The following TNK2 variants were observed in gnomAD, a reference collection of about 807,000 sequenced individuals.
The protein encoded by TNK2 is activated CDC42 kinase 1.
TNK2 carries 83 observed loss-of-function variants against 101.8 expected under a neutral mutation model. That is an observed-to-expected ratio of 0.82 (90% CI 0.68 to 0.98). The LOEUF (loss-of-function observed/expected upper bound fraction) is 0.98. Among genes scored for constraint, TNK2 ranks in the 50% least tolerant of loss-of-function variants. TNK2 has a pLI of 0.00. For synonymous variants in TNK2, 804 were observed against 633.0 expected, an observed-to-expected ratio of 1.27 and a Z score of -4.06; for missense variants, 1,665 against 1,483.2, an observed-to-expected ratio of 1.12 and a Z score of -2.01.
chr3:195,897,833 C>A, intron 1 of TNK2, among the ~76,000 whole-genome samples: 1 of 138,696 alleles, frequency 7.2e-6, no homozygotes, highest in African/African-American at 2.7e-5. Flanking sequence ...CCCCCCACCC[C>A]CCGCCCCCAG....
intron 1 of TNK2, among the ~76,000 whole-genome samples, chr3:195,890,508 T>C (rs1757983255): frequency 6.9e-6 from 1 of 144,020 alleles, no homozygotes. Flanking sequence ...TGGAGTACAA[T>C]GGTATGATCT....
At chr3:195,890,513 T>A (rs1757984380) in intron 1 of TNK2, among the ~76,000 whole-genome samples, 1 of 150,060 alleles carries the variant, frequency 6.7e-6, no homozygotes, top group Admixed American at 6.7e-5. Context: ...TACAATGGTA[T>A]GATCTTGGCT....
intron 9 of TNK2, chr3:195,876,723 C>T (rs766491233): frequency 7.5e-5 from 33 of 441,834 alleles, no homozygotes; most frequent in African/African-American, 3.8e-4. Context: ...AGGGAACCAG[C>T]GGCTGGGGCC....
At chr3:195,893,118 C>T (rs1444741340) in intron 1 of TNK2, among the ~76,000 whole-genome samples, 3 of 151,996 alleles carry the variant, frequency 2.0e-5, no homozygotes, top group African/African-American at 7.3e-5. Context: ...GGGACTAACA[C>T]ACAGCCTGAG....
rs114493331 is a variant in TNK2 at position 195,898,499 on chromosome 3, C to T, written c.-18-9893G>A. ...CTCGAGGGCCCAATCCTGGCTGGCACGCACGCCCTCTGGGCTGCACTCCTC... is the reference window on the plus strand; with the variant it reads ...CTCGAGGGCCCAATCCTGGCTGGCATGCACGCCCTCTGGGCTGCACTCCTC... On this transcript the variant is annotated intron_variant, in intron 1 of 15. Transcript: ENST00000672887. Among the ~76,000 whole-genome samples, 393 of 152,354 alleles carry T rather than the reference C, an allele frequency of 2.6e-3. 1 individual carries two copies. Among genetic ancestry groups the T allele is most frequent in the African/African-American group, 8.2e-3 (342 of 41,580 alleles).
At chr3:195,891,037 T>G (rs1229270076) in intron 1 of TNK2, among the ~76,000 whole-genome samples, 2 of 152,254 alleles carry the variant, frequency 1.3e-5, no homozygotes, top group Non-Finnish European at 2.9e-5. Context: ...GTTCCCACTG[T>G]GTTGCTTGTT....
At chr3:195,880,137 C>T (rs1176966987) in intron 6 of TNK2, among the ~76,000 whole-genome samples, 1 of 152,072 alleles carries the variant, frequency 6.6e-6, no homozygotes, top group Non-Finnish European at 1.5e-5. Flanking sequence ...CTCTGGGTGC[C>T]TCTGGCACCA....
rs1356859259 is a variant in TNK2 at position 195,864,279 on chromosome 3, C to T, written c.3162-92G>A. The T allele has an allele frequency of 6.1e-6, 9 of 1,466,052 alleles. No individual in the cohort carries two copies. The African/African-American group carries it at 9.8e-5, about 16-fold the overall frequency. The allele number at this position is 1,466,052 out of a possible 1,614,324, so 90.8% of individuals were successfully genotyped here. A position where few individuals can be genotyped will look rare whatever the true frequency, so the allele number is the denominator to read the frequency against. The stretch of plus-strand genomic sequence containing the variant: ...GGGTCACACTGGTGCCAGGCAACAC[C>T]ACTGGAAGCTGGCAGTCCCCGGCAA... On this transcript the variant is annotated intron_variant, in intron 15 of 15. Transcript: ENST00000672887.
rs747248044 is a variant in TNK2 at position 195,878,420 on chromosome 3, C to T, written c.1161+26G>A. ...TAGCCCCTCAGCTTGAACACCCCAG[C>T]TCTCCTGGGCTGACCTGTCCCTCAC... On this transcript the variant is annotated intron_variant, in intron 8 of 15. Transcript: ENST00000672887. This position sits in a 1 kb window ranked among gnomAD's most constrained non-coding sequence, Gnocchi z 4.7. 1 of 1,609,882 alleles carries T rather than the reference C, an allele frequency of 6.2e-7. No homozygotes were observed. Among genetic ancestry groups the T allele is most frequent in the Non-Finnish European group, 8.5e-7 (1 of 1,179,132 alleles).
At chr3:195,871,025 G>A (rs1053190398) in intron 10 of TNK2, among the ~76,000 whole-genome samples, 25 of 151,694 alleles carry the variant, frequency 1.6e-4, no homozygotes, top group Admixed American at 2.6e-4. Context: ...GTGGGGGCCC[G>A]CTGTGTGGGG....
chr3:195,867,978 C>T lies in TNK2; in HGVS notation c.2320G>A (p.Ala774Thr). 6.5e-7 allele frequency: 1 copy of T among 1,547,796 alleles called. No individual in the cohort carries two copies. ...CTGGTCTCCTCCTCGCCCGGGGGGG[C>T]TGGAGACAGCTGGACGTGTGGGCGC... ...PTRPHVQLSP[A>T]PPGEEETSQW... The change falls in exon 13 of 16, where the codon GCC becomes ACC. Residue 774 changes from alanine (A) to threonine (T), a missense_variant. This residue lies in a region of TNK2 where 1,136 missense variants were observed against 894.9 expected (regional missense o/e 1.27). Coordinates refer to ENST00000672887, the MANE Select transcript of TNK2 (RefSeq NM_001382273.1).
At chr3:195,893,738 C>T (rs1759518937) in intron 1 of TNK2, among the ~76,000 whole-genome samples, 1 of 152,058 alleles carries the variant, frequency 6.6e-6, no homozygotes, top group African/African-American at 2.4e-5. Flanking sequence ...CTAGGGAGCC[C>T]CTGTTTCTTG....
At position 195,879,064 on chromosome 3, in the gene TNK2, G is replaced by A; in HGVS notation, c.999C>T (p.Gly333=). The A allele has an allele frequency of 6.2e-7, 1 of 1,613,638 alleles. No homozygotes were observed. The highest frequency in any genetic ancestry group is 2.2e-5 in the East Asian group (1 of 44,880). ...MFTYGQEPWI[G]LNGSQILHKI... is the part of the protein sequence containing the mutation. ...CAGCCCTCACCTGACTGCCGTTGAG[G>A]CCGATCCAGGGCTCCTGGCCGTAGG... Residue 333 remains glycine (G), a synonymous_variant, in exon 7 of 16, where the codon GGC becomes GGT. Transcript: ENST00000672887.
chr3:195,869,999 C>G (rs1396670752), intron 11 of TNK2, 115 bp downstream of exon 11: 1 of 823,496 alleles, frequency 1.2e-6, no homozygotes, highest in East Asian at 2.8e-5. Context: ...CGCCTGCTGC[C>G]CTGACCCCAC....
At chr3:195,864,690 G>C (rs1240496126) in intron 15 of TNK2, among the ~76,000 whole-genome samples, 1 of 136,974 alleles carries the variant, frequency 7.3e-6, no homozygotes, top group Admixed American at 7.2e-5. Flanking sequence ...GCGAGTGCCT[G>C]CGTCCCAGAT....
chr3:195,880,212 C>T (rs1245887234), intron 6 of TNK2, among the ~76,000 whole-genome samples: 1 of 152,102 alleles, frequency 6.6e-6, no homozygotes, highest in Non-Finnish European at 1.5e-5. Context: ...CCAAGTACCA[C>T]CCCTAGTGCA....
chr3:195,908,029 G>A (rs894852888), intron 1 of TNK2: 1 of 152,326 alleles, frequency 6.6e-6, no homozygotes, highest in Admixed American at 6.5e-5. Flanking sequence ...CTCAGCTCAC[G>A]TGACCAACAG....
At position 195,878,539 on chromosome 3, in the gene TNK2, A is replaced by G. The variant is rs1339984077; in HGVS notation, c.1068T>C (p.Cys356=). The change falls in exon 8 of 16, where the codon TGT becomes TGC. Residue 356 remains cysteine, a synonymous_variant. Coordinates refer to ENST00000672887, the MANE Select transcript of TNK2 (RefSeq NM_001382273.1). The surrounding 1 kb of genome is among the most constrained non-coding windows in gnomAD (Gnocchi z 4.7). ...CCATGACGTTGTAGATGTCCTGGGG[A>G]CAGTCCTCGGGCCGGGGCAGCCGCT... The part of the protein sequence containing the change: ...EGERLPRPED[C]PQDIYNVMVQ... 6.2e-7 allele frequency: 1 copy of G among 1,613,648 alleles called. No individual in the cohort carries two copies. Among genetic ancestry groups the G allele is most frequent in the Non-Finnish European group, 8.5e-7 (1 of 1,179,992 alleles).
At chr3:195,880,365 A>C (rs553476430) in intron 6 of TNK2, among the ~76,000 whole-genome samples, 11 of 151,832 alleles carry the variant, frequency 7.2e-5, no homozygotes, top group East Asian at 1.9e-4. Flanking sequence ...ATACCTCCCC[A>C]CAGAAATGCC....
Sources: allele counts gnomAD v4.1 joint callset (sites outside exome capture counted in the v4.1 genomes callset), GRCh38; gene constraint gnomAD v4.1.1; regional missense constraint gnomAD v4.1.1; non-coding constraint Gnocchi (gnomAD v3.1); transcripts MANE v1.5; gene names NCBI Gene and HGNC (gene_info 2026-07-23, HGNC 2026-07-21).